Variants in GRID2 observed in about 807,000 individuals in gnomAD.
GRID2 encodes the protein glutamate receptor ionotropic, delta-2.
Under a neutral mutation model 114.8 loss-of-function variants are expected in GRID2, and 33 were observed. That is an observed-to-expected ratio of 0.29 (90% CI 0.22 to 0.38). The LOEUF (loss-of-function observed/expected upper bound fraction) is 0.38. Ranked by LOEUF, GRID2 falls within the 10% of genes least tolerant of loss-of-function variation. The pLI is 1.00. For synonymous variants in GRID2, 505 were observed against 449.9 expected, an observed-to-expected ratio of 1.12 and a Z score of -1.55; for missense variants, 1,184 against 1,257.7, an observed-to-expected ratio of 0.94 and a Z score of 0.89.
At chr4:93,335,747 G>A (rs1759010749) in intron 8 of GRID2, among the ~76,000 whole-genome samples, 1 of 144,100 alleles carries the variant, frequency 6.9e-6, no homozygotes, top group Non-Finnish European at 1.5e-5. Context: ...TCAGGCTGCA[G>A]TGCAGTGGCA....
intron 2 of GRID2, among the ~76,000 whole-genome samples, chr4:92,935,728 CT>C (rs1205913505): frequency 6.8e-6 from 1 of 146,578 alleles, no homozygotes; most frequent in Non-Finnish European, 1.5e-5. Flanking sequence ...AGTTCATGTC[CT>C]TTGTAGGGAC....
chr4:93,255,638 G>C (rs1749491033), intron 8 of GRID2, among the ~76,000 whole-genome samples: 1 of 152,044 alleles, frequency 6.6e-6, no homozygotes. Context: ...GAATGGGTTA[G>C]TTCTTGTGCG....
chr4:92,657,784 G>C (rs1025791713), intron 2 of GRID2, among the ~76,000 whole-genome samples: 8 of 151,492 alleles, frequency 5.3e-5, no homozygotes, highest in African/African-American at 1.7e-4. Flanking sequence ...TCATAATACA[G>C]CCTTTGATAA....
intron 2 of GRID2, among the ~76,000 whole-genome samples, chr4:92,678,779 G>A (rs1422150797): frequency 4.0e-5 from 6 of 151,812 alleles, no homozygotes; most frequent in Non-Finnish European, 8.8e-5. Context: ...ACTCTCCTGG[G>A]CCCTTTAGAT....
At chr4:92,847,443 C>T (rs960069562) in intron 2 of GRID2, among the ~76,000 whole-genome samples, 4 of 152,064 alleles carry the variant, frequency 2.6e-5, no homozygotes, top group Non-Finnish European at 5.9e-5. Context: ...TCGCTGGCCT[C>T]TCTATCACTG....
At chr4:93,298,901 T>C (rs1482031477) in intron 8 of GRID2, among the ~76,000 whole-genome samples, 1 of 152,166 alleles carries the variant, frequency 6.6e-6, no homozygotes, top group Non-Finnish European at 1.5e-5. Context: ...GAAGCTAGGG[T>C]TTTTCAAAAT....
At chr4:92,632,896 C>A (rs1391345690) in intron 2 of GRID2, among the ~76,000 whole-genome samples, 1 of 152,084 alleles carries the variant, frequency 6.6e-6, no homozygotes. Context: ...TTCATTATTT[C>A]ATTTCATATT....
At chr4:92,826,962 G>A (rs531137011) in intron 2 of GRID2, among the ~76,000 whole-genome samples, 2 of 151,932 alleles carry the variant, frequency 1.3e-5, no homozygotes, top group African/African-American at 4.8e-5. Context: ...TATGTTTCAG[G>A]TTCCATATTC....
chr4:93,599,738 A>G (rs905825558), intron 13 of GRID2, among the ~76,000 whole-genome samples: 2 of 152,218 alleles, frequency 1.3e-5, no homozygotes, highest in African/African-American at 2.4e-5. Context: ...GCACAAGGAA[A>G]GAGTCGCAGT....
chr4:93,790,189 G>A (rs1734669594), intron 1 of GRID2, among the ~76,000 whole-genome samples: 1 of 151,500 alleles, frequency 6.6e-6, no homozygotes, highest in Non-Finnish European at 1.5e-5. Flanking sequence ...AAAAAGCCTG[G>A]GGACCACTGC....
chr4:92,466,842 G>GTT (rs1363052988), intron 1 of GRID2, among the ~76,000 whole-genome samples: 2 of 151,478 alleles, frequency 1.3e-5, no homozygotes, highest in Non-Finnish European at 1.5e-5. Context: ...GTGTGTGTGT[G>GTT]TTATATATAT....
chr4:92,712,404 C>A (rs1735300896), intron 2 of GRID2, among the ~76,000 whole-genome samples: 1 of 151,848 alleles, frequency 6.6e-6, no homozygotes, highest in Admixed American at 6.6e-5. Flanking sequence ...ATTATTATTT[C>A]TAAGAGTTTG....
At chr4:93,712,869 C>G (rs1206380029) in intron 14 of GRID2, among the ~76,000 whole-genome samples, 2 of 152,104 alleles carry the variant, frequency 1.3e-5, no homozygotes, top group African/African-American at 4.8e-5. Context: ...AAGGCTTCCA[C>G]TTACACAGCT....
At chr4:92,762,205 G>A (rs995596950) in intron 2 of GRID2, among the ~76,000 whole-genome samples, 17 of 152,012 alleles carry the variant, frequency 1.1e-4, no homozygotes, top group African/African-American at 3.1e-4. Flanking sequence ...GAGCCACCGC[G>A]CCCAGCCTAT....
At chr4:93,017,882 CTTT>C (rs528393000) in intron 2 of GRID2, among the ~76,000 whole-genome samples, 6 of 119,106 alleles carry the variant, frequency 5.0e-5, no homozygotes, top group Non-Finnish European at 8.9e-5. Flanking sequence ...AGACAGTAAG[CTTT>C]TTTTTTTTTT....
chr4:93,110,669 C>A, intron 3 of GRID2, 79 bp from the exon 4 acceptor site: 1 of 914,832 alleles, frequency 1.1e-6, no homozygotes, highest in Non-Finnish European at 1.8e-6. Flanking sequence ...ATAATCTATT[C>A]TGATATAGGT....
At chr4:93,437,192 A>G (rs1721173358) in intron 10 of GRID2, among the ~76,000 whole-genome samples, 1 of 152,106 alleles carries the variant, frequency 6.6e-6, no homozygotes, top group African/African-American at 2.4e-5. Flanking sequence ...AGTCTCACAT[A>G]CTATGTATTT....
intron 1 of GRID2, among the ~76,000 whole-genome samples, chr4:92,380,579 T>A (rs1729572724): frequency 1.3e-5 from 2 of 152,054 alleles, no homozygotes; most frequent in Admixed American, 1.3e-4. Context: ...TATATATTCG[T>A]TAGCTGCCTC....
chr4:92,317,097 T>C (rs1236223686), intron 1 of GRID2, among the ~76,000 whole-genome samples: 1 of 152,310 alleles, frequency 6.6e-6, no homozygotes, highest in South Asian at 2.1e-4. Flanking sequence ...AGATATTGCA[T>C]TAAGCATGAT....
Sources: allele counts gnomAD v4.1 joint callset (sites outside exome capture counted in the v4.1 genomes callset), GRCh38; gene constraint gnomAD v4.1.1; transcripts MANE v1.5; gene names NCBI Gene and HGNC (gene_info 2026-07-23, HGNC 2026-07-21).